SLIT1: variants seen among roughly 807,000 people sequenced by gnomAD.
The protein encoded by SLIT1 is slit guidance ligand 1.
SLIT1 carries 66 observed loss-of-function variants against 186.1 expected under a neutral mutation model. The observed-to-expected ratio is 0.35, with a 90% CI of 0.29 to 0.44. SLIT1 has a LOEUF of 0.44. SLIT1 is among the 20% of genes least tolerant of loss of function. SLIT1 has a pLI of 1.00. For missense variants in SLIT1, 1,638 were observed against 2,037.4 expected (o/e 0.80, Z 3.77); for synonymous variants, 761 against 833.8 (o/e 0.91, Z 1.50).
At chr10:97,128,492 G>A (rs979461034) in intron 4 of SLIT1, among the ~76,000 whole-genome samples, 2 of 152,174 alleles carry the variant, frequency 1.3e-5, no homozygotes, top group Non-Finnish European at 2.9e-5. Context: ...CTCCCACAAA[G>A]TTAACTTCCC....
chr10:97,112,205 A>G (rs1383969701), intron 4 of SLIT1, among the ~76,000 whole-genome samples: 1 of 151,934 alleles, frequency 6.6e-6, no homozygotes, highest in Non-Finnish European at 1.5e-5. Flanking sequence ...TCCTCTAGGG[A>G]GCCTCTGCCA....
At chr10:97,108,781 G>A (rs183906295) in intron 4 of SLIT1, among the ~76,000 whole-genome samples, 8 of 151,708 alleles carry the variant, frequency 5.3e-5, no homozygotes, top group Admixed American at 2.6e-4. Context: ...TCAGCTAGTC[G>A]GGAGGCTGAG....
chr10:97,084,584 ATTTTCTTTTCTTCTC>A (rs1304220480), intron 4 of SLIT1, among the ~76,000 whole-genome samples: 4 of 134,458 alleles, frequency 3.0e-5, no homozygotes, highest in East Asian at 2.3e-4. Flanking sequence ...CTTTTCTTTT[ATTTTCTTTTCTTCTC>A]TTTTCTTTTC....
At chr10:97,099,829 A>C (rs1489740277) in intron 4 of SLIT1, among the ~76,000 whole-genome samples, 1 of 152,194 alleles carries the variant, frequency 6.6e-6, no homozygotes, top group Non-Finnish European at 1.5e-5. Context: ...TGGAATTTAT[A>C]CATGAAAATC....
chr10:97,056,556 G>A (rs1002738708), intron 12 of SLIT1, 92 bp from the exon 13 acceptor site: 41 of 1,352,232 alleles, frequency 3.0e-5, no homozygotes, highest in East Asian at 2.3e-4. Flanking sequence ...CCCGGCCTGC[G>A]TTATTACAGG....
chr10:97,183,671 A>G (rs576246460), intron 1 of SLIT1, among the ~76,000 whole-genome samples: 2 of 152,348 alleles, frequency 1.3e-5, no homozygotes, highest in African/African-American at 4.8e-5. Context: ...GAAGTCTTAA[A>G]CACTAAAGGT....
intron 4 of SLIT1, among the ~76,000 whole-genome samples, chr10:97,097,720 A>T (rs1479539215): frequency 6.6e-6 from 1 of 152,226 alleles, no homozygotes; most frequent in Non-Finnish European, 1.5e-5. Context: ...TCAGTTTGCT[A>T]TACTGCAGCC....
chr10:97,010,715 G>A lies in SLIT1; in HGVS notation c.3341+278C>T, dbSNP rs754314460. ...GCAAGACATGTCTTCAGAGGCTCAGGTAGGCAGGTAAGTGACAGCACACTG... is the reference window on the plus strand; with the variant it reads ...GCAAGACATGTCTTCAGAGGCTCAGATAGGCAGGTAAGTGACAGCACACTG... On this transcript the variant is annotated intron_variant, in intron 31 of 36. Coordinates refer to ENST00000266058, the MANE Select transcript of SLIT1 (RefSeq NM_003061.3). This position sits in a 1 kb window ranked among gnomAD's most constrained non-coding sequence, Gnocchi z 4.8. Among the ~76,000 whole-genome samples the A allele has an allele frequency of 6.6e-6, 1 of 152,162 alleles. No homozygotes were observed. The highest frequency in any genetic ancestry group is 1.5e-5 in the Non-Finnish European group (1 of 68,012).
At chr10:97,071,244 C>T (rs556514204) in intron 4 of SLIT1, among the ~76,000 whole-genome samples, 1 of 152,254 alleles carries the variant, frequency 6.6e-6, no homozygotes, top group Non-Finnish European at 1.5e-5. Flanking sequence ...CCTTTGCTGA[C>T]CCACAGGGAC....
At chr10:97,102,711 T>TGATG (rs1239053395) in intron 4 of SLIT1, 1 of 152,170 alleles carries the variant, frequency 6.6e-6, no homozygotes, top group Non-Finnish European at 1.5e-5. Context: ...CACTGTTGTG[T>TGATG]GATGTCACAG....
At chr10:97,047,530 G>A (rs547827827) in intron 16 of SLIT1, among the ~76,000 whole-genome samples, 160 bp downstream of exon 16, 1 of 152,334 alleles carries the variant, frequency 6.6e-6, no homozygotes, top group South Asian at 2.1e-4. Flanking sequence ...AGCAGGGGTG[G>A]GGTTTCTTCC....
intron 5 of SLIT1, 132 bp downstream of exon 5, chr10:97,065,883 C>A (rs1564666470): frequency 3.0e-6 from 2 of 671,814 alleles, no homozygotes; most frequent in South Asian, 1.7e-5. Context: ...CATGCTGGCA[C>A]CAGCCCTCTG....
chr10:97,094,002 A>G (rs771773153), intron 4 of SLIT1, among the ~76,000 whole-genome samples: 8 of 152,252 alleles, frequency 5.3e-5, no homozygotes, highest in Non-Finnish European at 8.8e-5. Context: ...TAAAGAAACT[A>G]GCAACAGCAA....
chr10:97,133,469 GA>G (rs1315424518), intron 4 of SLIT1, among the ~76,000 whole-genome samples: 1 of 152,228 alleles, frequency 6.6e-6, no homozygotes, highest in African/African-American at 2.4e-5. Flanking sequence ...CAAATTTATA[GA>G]GACAGAAAGT....
At chr10:97,158,186 G>A (rs1482789159) in intron 3 of SLIT1, among the ~76,000 whole-genome samples, 3 of 152,088 alleles carry the variant, frequency 2.0e-5, no homozygotes, top group Non-Finnish European at 4.4e-5. Context: ...CTTCACATTT[G>A]CAAGCCCTGT....
chr10:97,048,894 G>A (rs374886684), intron 14 of SLIT1, 61 bp downstream of exon 14: 22 of 1,519,684 alleles, frequency 1.4e-5, no homozygotes, highest in Middle Eastern at 2.2e-4. Context: ...CAAGTAGGCC[G>A]GTGGGCAGGT....
At chr10:97,178,538 T>C (rs1026635201) in intron 1 of SLIT1, among the ~76,000 whole-genome samples, 3 of 152,156 alleles carry the variant, frequency 2.0e-5, no homozygotes, top group Admixed American at 6.5e-5. Flanking sequence ...CCTGGCAGGA[T>C]TGTGGACCTG....
chr10:97,166,581 A>T (rs796201295), intron 1 of SLIT1, among the ~76,000 whole-genome samples: 1 of 54,358 alleles, frequency 1.8e-5, no homozygotes. Flanking sequence ...GAAAGAAAGA[A>T]AGAAAGAAAG....
chr10:97,037,719 G>A lies in SLIT1; in HGVS notation c.2345C>T (p.Thr782Ile), dbSNP rs561068527. Reference sequence around the variant, plus strand: ...TTACACGAGCTGCAGGTACTTGAAGGTAGACAGCTGTCCCGGAACCAGCGT... The same window carrying A: ...TTACACGAGCTGCAGGTACTTGAAGATAGACAGCTGTCCCGGAACCAGCGT... The part of the protein sequence containing the change: ...QFTLVPGQLS[T>I]FKYLQLVDLS... Residue 782 changes from threonine to isoleucine, a missense_variant, in exon 22 of 37, where the codon ACC becomes ATC. Physicochemically the swap from Thr to Ile is moderately conservative, Grantham distance 89. Around this residue, in one of 3 missense-constraint regions of SLIT1, gnomAD observed 1,245 missense variants for 1,535.3 expected, o/e 0.81. Coordinates refer to ENST00000266058, the MANE Select transcript of SLIT1 (RefSeq NM_003061.3). 3.1e-6 allele frequency: 5 copies of A among 1,609,842 alleles called. 1 individual carries two copies. In the East Asian group the frequency reaches 8.9e-5, roughly 29 times the overall value.
Sources: gnomAD v4.1 joint callset for allele counts (sites outside exome capture counted in the v4.1 genomes callset) on GRCh38, gnomAD v4.1.1 for gene constraint, gnomAD v4.1.1 regional missense constraint, Gnocchi (gnomAD v3.1) non-coding constraint, MANE v1.5 for transcripts, NCBI Gene and HGNC (gene_info 2026-07-23, HGNC 2026-07-21) for gene names.